PCDH11X: variants seen among roughly 807,000 people sequenced by gnomAD.
PCDH11X encodes the protein protocadherin 11 X-linked.
A neutral mutation model predicts 53.3 loss-of-function variants in PCDH11X; 18 were observed. The ratio of observed to expected loss-of-function variants is 0.34; its 90% CI spans 0.23 to 0.50. The LOEUF (loss-of-function observed/expected upper bound fraction) is 0.50, where lower values mean the gene tolerates loss of function less well. Ranked by LOEUF, PCDH11X falls within the 20% of genes least tolerant of loss-of-function variation. The pLI, the probability that PCDH11X is intolerant of heterozygous loss-of-function variation, is 0.98. For synonymous variants in PCDH11X, 279 were observed against 393.3 expected, an observed-to-expected ratio of 0.71 and a Z score of 3.44; for missense variants, 570 against 1,032.4, an observed-to-expected ratio of 0.55 and a Z score of 6.14.
In PCDH11X at chrX:92,281,023, T is replaced by A. The variant is rs1000067525; in HGVS notation, c.3144+17880T>A. Reference sequence around the variant, plus strand: ...CAGAAGCATCTGTGTTCCAACTAGCTGAATCTTAAGTCTTTTAGTGGTGGT... The same window carrying A: ...CAGAAGCATCTGTGTTCCAACTAGCAGAATCTTAAGTCTTTTAGTGGTGGT... On this transcript the variant is annotated intron_variant, in intron 8 of 10. Coordinates refer to ENST00000682573, the MANE Select transcript of PCDH11X (RefSeq NM_032968.5). 3.6e-5 allele frequency among the ~76,000 whole-genome samples: 4 copies of A among 111,466 alleles called. No homozygotes were observed. In the East Asian group the frequency reaches 8.5e-4, roughly 24 times the overall value.
intron 6 of PCDH11X, among the ~76,000 whole-genome samples, chrX:92,004,621 C>T (rs2062564666): frequency 9.1e-6 from 1 of 110,059 alleles, no homozygotes; most frequent in Admixed American, 9.8e-5. Flanking sequence ...ACCCCATTAT[C>T]ATTATATAGT....
chrX:92,079,208 G>C (rs1389585985), intron 6 of PCDH11X, among the ~76,000 whole-genome samples: 2 of 111,789 alleles, frequency 1.8e-5, no homozygotes, highest in Non-Finnish European at 3.8e-5. Flanking sequence ...CACAAATAGA[G>C]TTGATTTTCA....
chrX:92,225,847 A>T (rs1325286521), intron 7 of PCDH11X, among the ~76,000 whole-genome samples: 1 of 111,891 alleles, frequency 8.9e-6, no homozygotes, highest in African/African-American at 3.2e-5. Context: ...AGTATGTCCT[A>T]ATCAACAGAG....
chrX:91,897,687 T>C (rs1434780929), intron 6 of PCDH11X, among the ~76,000 whole-genome samples: 5 of 104,628 alleles, frequency 4.8e-5, no homozygotes, highest in Non-Finnish European at 9.8e-5. Context: ...AACATTAATT[T>C]TTAATATTGT....
intron 8 of PCDH11X, among the ~76,000 whole-genome samples, chrX:92,383,904 G>A (rs1016907171): frequency 8.9e-6 from 1 of 111,855 alleles, no homozygotes; most frequent in African/African-American, 3.3e-5. Flanking sequence ...TCGCCACACT[G>A]TCTTCCACAA....
At chrX:92,571,512 T>C (rs1177278182) in intron 10 of PCDH11X, among the ~76,000 whole-genome samples, 1 of 108,381 alleles carries the variant, frequency 9.2e-6, no homozygotes, top group Non-Finnish European at 1.9e-5. Flanking sequence ...AATAAAAGTG[T>C]GTGGAGTTTG....
At chrX:92,248,601 A>T (rs761036379) in intron 7 of PCDH11X, among the ~76,000 whole-genome samples, 31 of 111,745 alleles carry the variant, frequency 2.8e-4, no homozygotes, top group Admixed American at 4.8e-4. Context: ...AATCTTCTAG[A>T]TATTTTGAAA....
chrX:92,432,422 A>G (rs2072270364), intron 9 of PCDH11X, among the ~76,000 whole-genome samples: 1 of 110,499 alleles, frequency 9.0e-6, no homozygotes, highest in East Asian at 2.9e-4. Context: ...ATTACAAGAT[A>G]TGAGTGACAT....
chrX:92,295,776 T>C (rs1459605390), intron 8 of PCDH11X, among the ~76,000 whole-genome samples: 1 of 84,304 alleles, frequency 1.2e-5, no homozygotes, highest in Non-Finnish European at 2.4e-5. Flanking sequence ...TGTGTGTGTG[T>C]GTCTATTAAA....
At chrX:91,802,251 T>C (rs1175570172) in intron 1 of PCDH11X, among the ~76,000 whole-genome samples, 2 of 112,856 alleles carry the variant, frequency 1.8e-5, no homozygotes, top group Non-Finnish European at 3.8e-5. Flanking sequence ...TCTCAGCTCA[T>C]ATTTGTGTGT....
At chrX:92,153,347 C>G (rs1308026168) in intron 6 of PCDH11X, among the ~76,000 whole-genome samples, 2 of 110,749 alleles carry the variant, frequency 1.8e-5, no homozygotes, top group African/African-American at 6.6e-5. Flanking sequence ...TACACACACA[C>G]ACACACACAC....
chrX:92,114,049 G>A (rs2064580635), intron 6 of PCDH11X: 2 of 1,192,503 alleles, frequency 1.7e-6, no homozygotes, highest in Admixed American at 4.4e-5. Flanking sequence ...ACGCACATTG[G>A]TGCCCCTGAT....
intron 6 of PCDH11X, among the ~76,000 whole-genome samples, chrX:91,940,260 G>C (rs1357473885): frequency 9.0e-6 from 1 of 111,122 alleles, no homozygotes; most frequent in Admixed American, 9.6e-5. Context: ...TTCCTGTACA[G>C]CCTGCAGAAC....
At chrX:92,505,162 T>TTTTG (rs2074031566) in intron 10 of PCDH11X, among the ~76,000 whole-genome samples, 1 of 56,054 alleles carries the variant, frequency 1.8e-5, no homozygotes, top group Non-Finnish European at 4.4e-5. Context: ...CTTTTTTTTT[T>TTTTG]TTTTGTTTTT....
intron 6 of PCDH11X, among the ~76,000 whole-genome samples, chrX:91,894,152 T>C (rs1196992339): frequency 8.9e-6 from 1 of 112,192 alleles, no homozygotes; most frequent in Admixed American, 9.5e-5. Context: ...GTGACTTATG[T>C]CACCTCTTTT....
At chrX:92,332,224 A>G (rs1301144672) in intron 8 of PCDH11X, among the ~76,000 whole-genome samples, 1 of 112,512 alleles carries the variant, frequency 8.9e-6, no homozygotes, top group Non-Finnish European at 1.9e-5. Context: ...TTGTATAAAT[A>G]AGAAAATTTA....
chrX:92,438,604 T>C (rs923325828), intron 9 of PCDH11X, among the ~76,000 whole-genome samples: 18 of 110,976 alleles, frequency 1.6e-4, no homozygotes, highest in African/African-American at 5.6e-4. Flanking sequence ...CATAAGACAC[T>C]CAATAGAAAG....
At chrX:92,105,797 G>A (rs192598963) in intron 6 of PCDH11X, among the ~76,000 whole-genome samples, 1,653 of 110,720 alleles carry the variant, frequency 0.015, 22 homozygotes, top group Non-Finnish European at 0.023. Context: ...AATGTCATCA[G>A]TTAAGGTGGG....
At chrX:92,571,195 G>GT (rs1294280372) in intron 10 of PCDH11X, among the ~76,000 whole-genome samples, 1 of 110,635 alleles carries the variant, frequency 9.0e-6, no homozygotes, top group African/African-American at 3.3e-5. Context: ...TTTGATGACT[G>GT]TTTTTTTCTG....
Sources: gnomAD v4.1 joint callset for allele counts (sites outside exome capture counted in the v4.1 genomes callset) on GRCh38, gnomAD v4.1.1 for gene constraint, MANE v1.5 for transcripts, NCBI Gene and HGNC (gene_info 2026-07-23, HGNC 2026-07-21) for gene names.